The following RYR2 variants were observed in gnomAD, a reference collection of about 807,000 sequenced individuals.
RYR2 encodes the protein cardiac muscle ryanodine receptor-calcium release channel.
In RYR2, 227 loss-of-function variants were observed where a neutral mutation model predicts 601.1. The observed-to-expected ratio is 0.38, with a 90% CI of 0.34 to 0.42. The LOEUF is 0.42. Ranked by LOEUF, RYR2 falls within the 10% of genes least tolerant of loss-of-function variation. The pLI is 1.00. For missense variants in RYR2, 4,646 were observed against 6,156.5 expected (o/e 0.75, Z 8.21); for synonymous variants, 2,223 against 2,175.1 (o/e 1.02, Z -0.61).
chr1:237,484,541 G>A (rs764413940), intron 17 of RYR2, among the ~76,000 whole-genome samples: 8 of 152,130 alleles, frequency 5.3e-5, no homozygotes, highest in Non-Finnish European at 8.8e-5. Context: ...GCCTACTTGC[G>A]ATGGGGCAAA....
intron 1 of RYR2, among the ~76,000 whole-genome samples, chr1:237,218,967 C>T (rs538806875): frequency 1.9e-4 from 28 of 150,942 alleles, no homozygotes; most frequent in African/African-American, 5.6e-4. Context: ...CAAGAGGTAG[C>T]GGCTGACCCA....
At chr1:237,279,529 T>G (rs1690641836) in intron 2 of RYR2, among the ~76,000 whole-genome samples, 1 of 152,208 alleles carries the variant, frequency 6.6e-6, no homozygotes, top group South Asian at 2.1e-4. Context: ...TACTGGATTA[T>G]TAAGCAGTGA....
chr1:237,481,830 AAAAAAC>A (rs1323741265), intron 17 of RYR2, among the ~76,000 whole-genome samples: 156 of 148,070 alleles, frequency 1.1e-3, no homozygotes, highest in African/African-American at 3.6e-3. Flanking sequence ...AAAAAAAAAA[AAAAAAC>A]CACCTCCCAA....
chr1:237,709,818 C>T (rs1688681244), intron 70 of RYR2, among the ~76,000 whole-genome samples: 1 of 152,138 alleles, frequency 6.6e-6, no homozygotes, highest in Non-Finnish European at 1.5e-5. Context: ...TAAAGATGTA[C>T]TATTTTTACT....
intron 2 of RYR2, among the ~76,000 whole-genome samples, chr1:237,271,436 C>G (rs970495384): frequency 6.6e-6 from 1 of 152,048 alleles, no homozygotes; most frequent in Non-Finnish European, 1.5e-5. Context: ...ATTCCTGATT[C>G]CTAATTGTGG....
chr1:237,434,756 T>G (rs1378527079), intron 12 of RYR2, among the ~76,000 whole-genome samples: 1 of 152,202 alleles, frequency 6.6e-6, no homozygotes, highest in African/African-American at 2.4e-5. Flanking sequence ...ATTACAAGAA[T>G]TGTGGAACAA....
chr1:237,705,140 T>C lies in RYR2; in HGVS notation c.9450-73T>C, dbSNP rs530368338. 5 of 1,330,608 alleles carry C rather than the reference T, an allele frequency of 3.8e-6. No individual in the cohort carries two copies. The African/African-American group carries it at 4.3e-5, about 12-fold the overall frequency. 82.4% of individuals were successfully genotyped at this position (1,330,608 alleles called of 1,614,324 possible). ...TATTATCATTCCTTTTAGGTTAAAT[T>C]TGCTAATTGTAATATGACTTTTTTA... On this transcript the variant is annotated intron_variant, in intron 66 of 104. Transcript: ENST00000366574.
rs764743076 is a variant in RYR2 at position 237,268,436 on chromosome 1, A to G, written c.49-2061A>G. Reference sequence around the variant, plus strand: ...TGTTTTTATTATAGCCACACTGCACATGAATTTATATTCAGATATACCCAT... The same window carrying G: ...TGTTTTTATTATAGCCACACTGCACGTGAATTTATATTCAGATATACCCAT... On this transcript the variant is annotated intron_variant, in intron 1 of 104. Transcript: ENST00000366574. 2.1e-4 allele frequency among the ~76,000 whole-genome samples: 32 copies of G among 152,212 alleles called. 1 individual carries two copies. Among genetic ancestry groups the G allele is most frequent in the Non-Finnish European group, 4.6e-4 (31 of 68,044 alleles).
intron 84 of RYR2, among the ~76,000 whole-genome samples, chr1:237,764,402 ATTTTTTTTTTT>A (rs59485547): frequency 1.6e-4 from 11 of 69,960 alleles, no homozygotes; most frequent in Admixed American, 6.8e-4. Context: ...CTTAGGTAGC[ATTTTTTTTTTT>A]TTTTTTTTTT....
intron 39 of RYR2, 62 bp downstream of exon 39, chr1:237,623,932 A>G: frequency 9.1e-7 from 1 of 1,097,610 alleles, no homozygotes; most frequent in Non-Finnish European, 1.4e-6. Flanking sequence ...ATATCCTGAG[A>G]CGAAATTAAG....
intron 1 of RYR2, among the ~76,000 whole-genome samples, chr1:237,050,239 T>C (rs1429078173): frequency 1.3e-5 from 2 of 152,150 alleles, no homozygotes; most frequent in Non-Finnish European, 2.9e-5. Context: ...GCCAATTTAC[T>C]GGAAGAAAAC....
chr1:237,585,480 G>GA, intron 29 of RYR2, among the ~76,000 whole-genome samples: 1 of 152,288 alleles, frequency 6.6e-6, no homozygotes, highest in East Asian at 1.9e-4. Flanking sequence ...TGAACAAAGG[G>GA]AGGTGACGGA....
In RYR2 at chr1:237,218,934, A is replaced by G. The variant is rs999914322; in HGVS notation, c.49-51563A>G. ...CTCATCCCAAAAGCAATTTATCATC[A>G]TAAGTCCAGACGTGGAGCCAGTCAA... On this transcript the variant is annotated intron_variant, in intron 1 of 104. Coordinates refer to ENST00000366574, the MANE Select transcript of RYR2 (RefSeq NM_001035.3). 3.9e-5 allele frequency among the ~76,000 whole-genome samples: 6 copies of G among 152,038 alleles called. No homozygotes were observed. The East Asian group carries it at 7.7e-4, about 20-fold the overall frequency.
At chr1:237,797,920 G>GTGAT (rs1659449784) in intron 96 of RYR2, 117 bp from the exon 97 acceptor site, 1 of 943,880 alleles carries the variant, frequency 1.1e-6, no homozygotes, top group Non-Finnish European at 1.6e-6. Context: ...TAGATTTTAA[G>GTGAT]TGATTGTTAG....
chr1:237,557,235 C>T lies in RYR2; in HGVS notation c.3214+6544C>T, dbSNP rs141758976. On this transcript the variant is annotated intron_variant, in intron 27 of 104. Transcript: ENST00000366574. ...GCTGACTTCCCCCAGAATGAAAAAT[C>T]GAAGAGTGAGTACAAGGATGCTGTA... 3.9e-4 allele frequency among the ~76,000 whole-genome samples: 60 copies of T among 152,244 alleles called. No homozygotes were observed. The East Asian group carries it at 0.01, about 26-fold the overall frequency.
chr1:237,224,920 C>A (rs1684199145), intron 1 of RYR2, among the ~76,000 whole-genome samples: 1 of 152,142 alleles, frequency 6.6e-6, no homozygotes, highest in African/African-American at 2.4e-5. Flanking sequence ...GAAACTGAGG[C>A]CCAGGAAGGT....
intron 91 of RYR2, among the ~76,000 whole-genome samples, chr1:237,787,656 C>T (rs1657797026): frequency 6.8e-6 from 1 of 147,770 alleles, no homozygotes; most frequent in South Asian, 2.1e-4. Flanking sequence ...GTATGTGGGA[C>T]AGTCATAGCA....
At chr1:237,618,536 G>A (rs1466653199) in intron 38 of RYR2, among the ~76,000 whole-genome samples, 2 of 152,172 alleles carry the variant, frequency 1.3e-5, no homozygotes, top group Non-Finnish European at 2.9e-5. Context: ...TCCCAGATTT[G>A]AAGCTAAAGA....
In RYR2 at chr1:237,106,853, C is replaced by T. The variant is rs1363527179; in HGVS notation, c.48+64284C>T. Among the ~76,000 whole-genome samples the T allele has an allele frequency of 6.6e-6, 1 of 152,180 alleles. No homozygotes were observed. Among genetic ancestry groups the T allele is most frequent in the Non-Finnish European group, 1.5e-5 (1 of 68,036 alleles). On this transcript the variant is annotated intron_variant, in intron 1 of 104. Transcript: ENST00000366574. The surrounding 1 kb of genome is among the most constrained non-coding windows in gnomAD (Gnocchi z 4.4). Reference sequence around the variant, plus strand: ...TGGTTCATAGGCGGCTGTCTTCTTGCTGTGTTGTCACGTGTAGAAGGGACA... The same window carrying T: ...TGGTTCATAGGCGGCTGTCTTCTTGTTGTGTTGTCACGTGTAGAAGGGACA...
Sources: gnomAD v4.1 joint callset for allele counts (sites outside exome capture counted in the v4.1 genomes callset) on GRCh38, gnomAD v4.1.1 for gene constraint, Gnocchi (gnomAD v3.1) non-coding constraint, MANE v1.5 for transcripts, NCBI Gene and HGNC (gene_info 2026-07-23, HGNC 2026-07-21) for gene names.